The following SLC22A23 variants were observed in gnomAD, a reference collection of about 807,000 sequenced individuals.
SLC22A23 encodes solute carrier family 22 member 23.
A neutral mutation model predicts 61.0 loss-of-function variants in SLC22A23; 26 were observed. The ratio of observed to expected loss-of-function variants is 0.43; its 90% CI spans 0.31 to 0.59. SLC22A23 has a LOEUF of 0.59. Among genes scored for constraint, SLC22A23 ranks in the 20% least tolerant of loss-of-function variants. SLC22A23 has a pLI of 0.11. For missense variants in SLC22A23, 796 were observed against 934.7 expected, an observed-to-expected ratio of 0.85 and a Z score of 1.94; for synonymous variants, 430 against 413.9, an observed-to-expected ratio of 1.04 and a Z score of -0.47.
At chr6:3,285,594 G>A (rs993569447) in intron 7 of SLC22A23, among the ~76,000 whole-genome samples, 10 of 111,860 alleles carry the variant, frequency 8.9e-5, no homozygotes, top group Non-Finnish European at 6.7e-5. Flanking sequence ...TGCCACTTCC[G>A]TCCCAACTGT....
chr6:3,456,279 C>G lies in SLC22A23; in HGVS notation c.281G>C (p.Gly94Ala), dbSNP rs764985003. 3 of 1,551,294 alleles carry G rather than the reference C, an allele frequency of 1.9e-6. No homozygotes were observed. Among genetic ancestry groups the G allele is most frequent in the Non-Finnish European group, 2.6e-6 (3 of 1,146,834 alleles). ...VLPFLGGLGG[G>A]YQKTLVLLTW... ...GAGCAGCACGAGGGTCTTCTGATAG[C>G]CCCCGCCCAGGCCCCCGAGGAAGGG... The change falls in exon 1 of 10, where the codon GGC (glycine) becomes GCC (alanine). Residue 94 changes from glycine to alanine, a missense_variant. Transcript: ENST00000406686. The surrounding 1 kb of genome is among the most constrained non-coding windows in gnomAD (Gnocchi z 7.1).
intron 3 of SLC22A23, among the ~76,000 whole-genome samples, chr6:3,369,963 G>A (rs1262290423): frequency 1.3e-5 from 2 of 152,186 alleles, no homozygotes; most frequent in Admixed American, 1.3e-4. Flanking sequence ...TCAGTATGCT[G>A]TAACCACAAT....
chr6:3,445,460 G>A (rs933677353), intron 1 of SLC22A23, among the ~76,000 whole-genome samples: 27 of 152,150 alleles, frequency 1.8e-4, no homozygotes, highest in Admixed American at 1.7e-3. Flanking sequence ...TCGGCCTCCC[G>A]AAGTGCTGGG....
At chr6:3,413,065 G>A (rs1024042958) in intron 2 of SLC22A23, among the ~76,000 whole-genome samples, 1 of 152,204 alleles carries the variant, frequency 6.6e-6, no homozygotes, top group African/African-American at 2.4e-5. Context: ...AGCAGCCATA[G>A]AGAACCGACA....
At chr6:3,436,198 G>A (rs1325497129) in intron 1 of SLC22A23, among the ~76,000 whole-genome samples, 2 of 152,150 alleles carry the variant, frequency 1.3e-5, no homozygotes, top group East Asian at 3.9e-4. Context: ...GGAGTGCAAT[G>A]GTGTGATATC....
chr6:3,277,802 G>C (rs1353309571), intron 9 of SLC22A23, among the ~76,000 whole-genome samples: 1 of 152,214 alleles, frequency 6.6e-6, no homozygotes, highest in Non-Finnish European at 1.5e-5. Context: ...TGGCCCTCAA[G>C]GTACAAGGTA....
intron 1 of SLC22A23, chr6:3,439,184 C>T (rs1771422183): frequency 2.8e-6 from 1 of 354,072 alleles, no homozygotes; most frequent in South Asian, 2.2e-5. Context: ...AGTACCCCTG[C>T]CTCTACCCAC....
intron 3 of SLC22A23, among the ~76,000 whole-genome samples, chr6:3,367,853 G>A (rs1195586232): frequency 1.3e-5 from 2 of 152,178 alleles, no homozygotes; most frequent in Non-Finnish European, 2.9e-5. Flanking sequence ...ATTTCCTTCT[G>A]CTTAGTACAG....
chr6:3,299,331 A>G (rs1761409217), intron 4 of SLC22A23, among the ~76,000 whole-genome samples: 1 of 152,196 alleles, frequency 6.6e-6, no homozygotes, highest in African/African-American at 2.4e-5. Context: ...CGTTTAAAAA[A>G]TTACTTCCAA....
chr6:3,289,926 G>A (rs868056407), intron 5 of SLC22A23, 60 bp from the exon 6 acceptor site: 1 of 1,395,990 alleles, frequency 7.2e-7, no homozygotes, highest in Non-Finnish European at 1.0e-6. Flanking sequence ...CAGGACAGCA[G>A]CTGCAGTCAC....
chr6:3,392,699 C>G (rs879178771), intron 3 of SLC22A23, among the ~76,000 whole-genome samples: 1 of 152,070 alleles, frequency 6.6e-6, no homozygotes. Context: ...AAGGGTGACT[C>G]TTACCCATTT....
At chr6:3,401,397 G>A (rs977990716) in intron 3 of SLC22A23, among the ~76,000 whole-genome samples, 1 of 151,582 alleles carries the variant, frequency 6.6e-6, no homozygotes, top group Non-Finnish European at 1.5e-5. Context: ...ATGGTAAACT[G>A]TATGTAATGT....
chr6:3,340,330 C>T (rs962653914), intron 3 of SLC22A23, among the ~76,000 whole-genome samples: 1 of 152,094 alleles, frequency 6.6e-6, no homozygotes, highest in Non-Finnish European at 1.5e-5. Flanking sequence ...GTAAAACGCC[C>T]GCCGGTCACA....
intron 8 of SLC22A23, among the ~76,000 whole-genome samples, chr6:3,284,549 A>G: frequency 6.6e-6 from 1 of 152,210 alleles, no homozygotes; most frequent in East Asian, 1.9e-4. Flanking sequence ...AGCTTCCCCA[A>G]GGCTGCATAG....
intron 3 of SLC22A23, among the ~76,000 whole-genome samples, chr6:3,391,118 T>C (rs1176397974): frequency 6.6e-6 from 1 of 152,178 alleles, no homozygotes; most frequent in Non-Finnish European, 1.5e-5. Flanking sequence ...CAACCAGTAA[T>C]GGTAAGGAAA....
chr6:3,447,583 CTTTTTT>C (rs757788904), intron 1 of SLC22A23, among the ~76,000 whole-genome samples: 48 of 113,410 alleles, frequency 4.2e-4, no homozygotes, highest in Non-Finnish European at 5.1e-4. Flanking sequence ...AAGAAACTTT[CTTTTTT>C]TTTTTTTTTT....
rs1181378114 is a variant in SLC22A23 at position 3,427,765 on chromosome 6, C to G, written c.655-11910G>C. On this transcript the variant is annotated intron_variant, in intron 1 of 9. Transcript: ENST00000406686. This position sits in a 1 kb window ranked among gnomAD's most constrained non-coding sequence, Gnocchi z 4.3. ...AAGTAGGATGGTTCTCAAAAGCTGACAACACGATTACACCCAAGAGTGTGT... is the reference window on the plus strand; with the variant it reads ...AAGTAGGATGGTTCTCAAAAGCTGAGAACACGATTACACCCAAGAGTGTGT... Among the ~76,000 whole-genome samples the G allele has an allele frequency of 6.6e-6, 1 of 152,192 alleles. No homozygotes were observed. Among genetic ancestry groups the G allele is most frequent in the African/African-American group, 2.4e-5 (1 of 41,444 alleles).
At chr6:3,319,176 A>G (rs1357618895) in intron 4 of SLC22A23, among the ~76,000 whole-genome samples, 1 of 152,164 alleles carries the variant, frequency 6.6e-6, no homozygotes, top group South Asian at 2.1e-4. Context: ...CGTGCTCCTC[A>G]GACCCCATAG....
In SLC22A23 at chr6:3,414,307, C is replaced by T. The variant is rs1769508022; in HGVS notation, c.758+1445G>A. 6.6e-6 allele frequency among the ~76,000 whole-genome samples: 1 copy of T among 152,110 alleles called. No homozygotes were observed. The highest frequency in any genetic ancestry group is 2.4e-5 in the African/African-American group (1 of 41,404). On this transcript the variant is annotated intron_variant, in intron 2 of 9. Coordinates refer to ENST00000406686, the MANE Select transcript of SLC22A23 (RefSeq NM_015482.2). This position sits in a 1 kb window ranked among gnomAD's most constrained non-coding sequence, Gnocchi z 5.1. ...GTATATTTTAGACCAATATAGCCCA[C>T]ACTAGAAACCTATGAACTCAAGTAT... is the stretch of plus-strand genomic sequence containing the variant.
Sources: allele counts gnomAD v4.1 joint callset (sites outside exome capture counted in the v4.1 genomes callset), GRCh38; gene constraint gnomAD v4.1.1; non-coding constraint Gnocchi (gnomAD v3.1); transcripts MANE v1.5; gene names NCBI Gene and HGNC (gene_info 2026-07-23, HGNC 2026-07-21).